USP8: variants seen among roughly 807,000 people sequenced by gnomAD.
USP8 encodes ubiquitin carboxyl-terminal hydrolase 8.
USP8 carries 27 observed loss-of-function variants against 130.0 expected under a neutral mutation model. That is an observed-to-expected ratio of 0.21 (90% CI 0.15 to 0.29). The LOEUF is 0.29. Ranked by LOEUF, USP8 falls within the 10% of genes least tolerant of loss-of-function variation. The probability of loss-of-function intolerance (pLI) is 1.00; values close to 1 mark genes in which losing one functional copy is unlikely to be tolerated. For missense variants in USP8, 1,029 were observed against 1,312.2 expected, an observed-to-expected ratio of 0.78 and a Z score of 3.33; for synonymous variants, 392 against 444.1, an observed-to-expected ratio of 0.88 and a Z score of 1.48.
At chr15:50,448,785 T>G (rs2050520432) in intron 3 of USP8, among the ~76,000 whole-genome samples, 1 of 152,042 alleles carries the variant, frequency 6.6e-6, no homozygotes, top group South Asian at 2.1e-4. Flanking sequence ...CTCCCAAAGT[T>G]CTGGGATTAC....
At chr15:50,461,289 G>T (rs2050991817) in intron 5 of USP8, among the ~76,000 whole-genome samples, 1 of 151,732 alleles carries the variant, frequency 6.6e-6, no homozygotes, top group African/African-American at 2.4e-5. Flanking sequence ...ACCGTGCCTG[G>T]CCTCTACAAA....
At position 50,462,328 on chromosome 15, in the gene USP8, T is replaced by C. The variant is rs2051035922; in HGVS notation, c.541+6T>C. 1 of 1,599,950 alleles carries C rather than the reference T, an allele frequency of 6.3e-7. No homozygotes were observed. The highest frequency in any genetic ancestry group is 1.8e-5 in the Admixed American group (1 of 56,286). ...ATGTGAGACCAAAGAGAAAGGTAAG[T>C]GTGTACAGAAGGAGGAAGTTGTTTT... is the stretch of plus-strand genomic sequence containing the variant. On this transcript the variant is annotated splice_donor_region_variant and intron_variant, in intron 6 of 19. Transcript: ENST00000307179.
At chr15:50,474,045 C>T (rs1230535842) in intron 8 of USP8, among the ~76,000 whole-genome samples, 2 of 152,022 alleles carry the variant, frequency 1.3e-5, no homozygotes, top group East Asian at 1.9e-4. Flanking sequence ...TACTCTGTTG[C>T]CCAGGCCAAA....
rs77994004 is a variant in USP8 at position 50,488,140 on chromosome 15, T to C, written c.1891-1661T>C. On this transcript the variant is annotated intron_variant, in intron 12 of 19. Coordinates refer to ENST00000307179, the MANE Select transcript of USP8 (RefSeq NM_005154.5). ...AGTCCATTCTGTCATATTTTTCACATGTGGATTGTGCTGTTGGTATTGTAT... is the reference window on the plus strand; with the variant it reads ...AGTCCATTCTGTCATATTTTTCACACGTGGATTGTGCTGTTGGTATTGTAT... 2.9e-3 allele frequency among the ~76,000 whole-genome samples: 440 copies of C among 152,340 alleles called. 15 individuals carry two copies. The East Asian group carries it at 0.075, about 26-fold the overall frequency.
intron 1 of USP8, among the ~76,000 whole-genome samples, chr15:50,436,590 C>T (rs367817180): frequency 1.3e-5 from 2 of 152,156 alleles, no homozygotes; most frequent in African/African-American, 2.4e-5. Flanking sequence ...CCTCACCTCC[C>T]GGGTTCAAGT....
At chr15:50,497,573 TTA>T (rs2052465849) in intron 18 of USP8, 1 of 168,656 alleles carries the variant, frequency 5.9e-6, no homozygotes, top group Non-Finnish European at 1.3e-5. Flanking sequence ...CATAACAGAC[TTA>T]GTTATGTGTT....
intron 8 of USP8, among the ~76,000 whole-genome samples, chr15:50,472,792 C>T (rs2051425449): frequency 6.6e-6 from 1 of 151,928 alleles, no homozygotes; most frequent in Admixed American, 6.6e-5. Context: ...CACCTGTAAT[C>T]CCAGCTACTC....
rs2052575820 is a variant in USP8, at chr15:50,501,036, G to A, written c.*1948G>A. The A allele has an allele frequency of 1.9e-6, 1 of 524,330 alleles. No individual in the cohort carries two copies. Among genetic ancestry groups the A allele is most frequent in the East Asian group, 3.2e-5 (1 of 31,508 alleles). 32.5% of individuals were successfully genotyped at this position (524,330 alleles called of 1,614,324 possible). ...TTCATTGTAACTACTTATATGTTGT[G>A]CCCATTGACTATCATCTGTGAATAA... On this transcript the variant is annotated 3_prime_UTR_variant, in exon 20 of 20. Transcript: ENST00000307179.
At position 50,470,273 on chromosome 15, in the gene USP8, C is replaced by T. The variant is rs374873317; in HGVS notation, c.687-1360C>T. ...AGATAGGTAAGACGTACAATAAAAGCTTGAAATGTTTAGTTTGTCTTATGT... is the reference window on the plus strand; with the variant it reads ...AGATAGGTAAGACGTACAATAAAAGTTTGAAATGTTTAGTTTGTCTTATGT... On this transcript the variant is annotated intron_variant, in intron 7 of 19. Transcript: ENST00000307179. Among the ~76,000 whole-genome samples, 8 of 152,210 alleles carry T rather than the reference C, an allele frequency of 5.3e-5. No homozygotes were observed. In the East Asian group the frequency reaches 1.3e-3, roughly 26 times the overall value.
In USP8 at chr15:50,513,242, T is replaced by C. The variant is rs192868069; in HGVS notation, c.*14154T>C. 2 of 152,312 alleles carry C rather than the reference T, an allele frequency of 1.3e-5. No homozygotes were observed. Among genetic ancestry groups the C allele is most frequent in the Non-Finnish European group, 1.5e-5 (1 of 68,024 alleles). The allele number at this position is 152,312 out of a possible 1,614,324, so 9.4% of individuals were successfully genotyped here. ...TGAGAGAAACTCTTATGCACATATA[T>C]ATGCAGGAATGTCTGCATAATGTTG... On this transcript the variant is annotated 3_prime_UTR_variant, in exon 20 of 20. Coordinates refer to ENST00000307179, the MANE Select transcript of USP8 (RefSeq NM_005154.5).
intron 3 of USP8, among the ~76,000 whole-genome samples, chr15:50,444,400 C>G (rs1336588902): frequency 6.7e-6 from 1 of 148,258 alleles, no homozygotes; most frequent in Non-Finnish European, 1.5e-5. Context: ...CCACCATGCC[C>G]AACCAGTTTT....
intron 6 of USP8, among the ~76,000 whole-genome samples, chr15:50,464,543 C>CTGGT (rs2051117607): frequency 6.6e-6 from 1 of 152,154 alleles, no homozygotes; most frequent in African/African-American, 2.4e-5. Flanking sequence ...GAGCATCGAA[C>CTGGT]TGGTTTCTTG....
intron 2 of USP8, among the ~76,000 whole-genome samples, chr15:50,440,758 T>C (rs1274889501): frequency 6.6e-6 from 1 of 151,872 alleles, no homozygotes; most frequent in Non-Finnish European, 1.5e-5. Context: ...ATCCGAGCAC[T>C]TTGGGAGGCT....
intron 1 of USP8, among the ~76,000 whole-genome samples, chr15:50,429,260 AC>A (rs1256100217): frequency 6.6e-6 from 1 of 151,310 alleles, no homozygotes; most frequent in Non-Finnish European, 1.5e-5. Flanking sequence ...ACATTATAAT[AC>A]CAATTTCAGA....
chr15:50,487,380 GAGAC>G (rs1421574715), intron 12 of USP8, among the ~76,000 whole-genome samples: 7 of 149,688 alleles, frequency 4.7e-5, no homozygotes, highest in African/African-American at 1.7e-4. Flanking sequence ...GAGAGAGAGA[GAGAC>G]ACACACACAT....
chr15:50,472,012 T>A (rs59818085), intron 8 of USP8, among the ~76,000 whole-genome samples: 1 of 150,866 alleles, frequency 6.6e-6, no homozygotes, highest in Admixed American at 6.6e-5. Flanking sequence ...GCGATTCTCC[T>A]GCCTCAGCCT....
chr15:50,496,299 G>A (rs143062357), intron 17 of USP8, among the ~76,000 whole-genome samples: 5,153 of 151,978 alleles, frequency 0.034, 288 homozygotes, highest in African/African-American at 0.12. Flanking sequence ...GGATAACACG[G>A]TGAAACCCCA....
rs770957779 is a variant in USP8, at chr15:50,498,636, T to A, written c.3079T>A (p.Ser1027Thr). The change falls in exon 19 of 20, where the codon TCT becomes ACT. Residue 1027 changes from serine (S) to threonine (T), a missense_variant. By Grantham distance (58) the Ser-to-Thr change is moderately conservative. This residue lies in a region of USP8 where 257 missense variants were observed against 429.8 expected (regional missense o/e 0.60). Coordinates refer to ENST00000307179, the MANE Select transcript of USP8 (RefSeq NM_005154.5). Reference sequence around the variant, plus strand: ...CAGGTGGAAACAAAAATTACAGACATCTGTGGACTTCCCGTTAGAAAATCT... The same window carrying A: ...CAGGTGGAAACAAAAATTACAGACAACTGTGGACTTCCCGTTAGAAAATCT... ...DGRWKQKLQTSVDFPLENLDL... is the reference protein window; with the variant it reads ...DGRWKQKLQTTVDFPLENLDL... The A allele has an allele frequency of 1.3e-5, 21 of 1,612,644 alleles. No homozygotes were observed. In the East Asian group the frequency reaches 4.5e-4, roughly 34 times the overall value.
At chr15:50,449,844 G>A (rs2050562998) in intron 4 of USP8, among the ~76,000 whole-genome samples, 1 of 147,440 alleles carries the variant, frequency 6.8e-6, no homozygotes, top group Admixed American at 6.9e-5. Context: ...GCCTCCCAAA[G>A]TGCTGGGATT....
Sources: gnomAD v4.1 joint callset for allele counts (sites outside exome capture counted in the v4.1 genomes callset) on GRCh38, gnomAD v4.1.1 for gene constraint, gnomAD v4.1.1 regional missense constraint, MANE v1.5 for transcripts, NCBI Gene and HGNC (gene_info 2026-07-23, HGNC 2026-07-21) for gene names.